The following ZFAND4 variants were observed in gnomAD, a reference collection of about 807,000 sequenced individuals.
The protein encoded by ZFAND4 is zinc finger AN1-type containing 4.
A neutral mutation model predicts 64.4 loss-of-function variants in ZFAND4; 43 were observed. That is an observed-to-expected ratio of 0.67 (90% CI 0.52 to 0.86). The LOEUF is 0.86. ZFAND4 is among the 40% of genes least tolerant of loss of function. The pLI is 0.00. For synonymous variants in ZFAND4, 296 were observed against 305.7 expected (o/e 0.97, Z 0.33); for missense variants, 929 against 859.8 (o/e 1.08, Z -1.01).
At chr10:45,637,653 G>A (rs1040665558) in intron 6 of ZFAND4, among the ~76,000 whole-genome samples, 3 of 151,980 alleles carry the variant, frequency 2.0e-5, no homozygotes, top group African/African-American at 7.2e-5. Flanking sequence ...GGGAGGCTGG[G>A]GCAGAAGAAT....
intron 8 of ZFAND4, 69 bp downstream of exon 8, chr10:45,624,514 A>C: frequency 6.9e-7 from 1 of 1,455,748 alleles, no homozygotes; most frequent in Non-Finnish European, 9.6e-7. Flanking sequence ...TTCTCTTTGA[A>C]AATTCAACCG....
intron 2 of ZFAND4, among the ~76,000 whole-genome samples, chr10:45,658,776 G>A (rs2048294726): frequency 6.6e-6 from 1 of 152,168 alleles, no homozygotes; most frequent in Non-Finnish European, 1.5e-5. Context: ...GTAGGATATA[G>A]CTAACACAGT....
Position 45,648,386 on chromosome 10 carries a change from C to T in ZFAND4, c.477G>A (p.Arg159=). 1 of 1,613,962 alleles carries T rather than the reference C, an allele frequency of 6.2e-7. No homozygotes were observed. The highest frequency in any genetic ancestry group is 2.2e-5 in the East Asian group (1 of 44,858). ...DQLNFFPAVD[R]GDGTLTPLSD... is the part of the protein sequence containing the mutation. ...ATAACGGTGTTAAAGTGCCATCTCC[C>T]CTATCTACTGCAGGAAAGAAATTCA... Residue 159 remains arginine, a synonymous_variant, in exon 5 of 10, where the codon AGG becomes AGA. Coordinates refer to ENST00000344646, the MANE Select transcript of ZFAND4 (RefSeq NM_174890.4).
intron 6 of ZFAND4, among the ~76,000 whole-genome samples, chr10:45,634,941 CTT>C (rs2133646647): frequency 6.6e-6 from 1 of 151,622 alleles, no homozygotes; most frequent in African/African-American, 2.4e-5. Context: ...TAGGAATAAA[CTT>C]ATCTAAAAAA....
At chr10:45,648,178 G>C in intron 5 of ZFAND4, 116 bp downstream of exon 5, 1 of 1,034,390 alleles carries the variant, frequency 9.7e-7, no homozygotes, top group Non-Finnish European at 1.3e-6. Context: ...TCAATTATAC[G>C]AAGGACAATT....
Position 45,663,743 on chromosome 10 carries a change from T to C in ZFAND4, c.-18A>G. The C allele has an allele frequency of 1.3e-6, 2 of 1,577,708 alleles. No individual in the cohort carries two copies. The highest frequency in any genetic ancestry group is 1.7e-6 in the Non-Finnish European group (2 of 1,168,630). ...TTATCCATTACTTTGACTTTTCTAG[T>C]TCTTCTAAAATATGTCGCAGGCAAC... is the stretch of plus-strand genomic sequence containing the variant. On this transcript the variant is annotated 5_prime_UTR_variant, in exon 2 of 10. Transcript: ENST00000344646.
intron 6 of ZFAND4, among the ~76,000 whole-genome samples, chr10:45,635,215 A>AAAAAAAAAAAAAAAAAAAAAAAAAAAAC (rs2046499752): frequency 7.7e-6 from 1 of 130,428 alleles, no homozygotes; most frequent in East Asian, 2.1e-4. Flanking sequence ...AAAAAAAAAC[A>AAAAAAAAAAAAAAAAAAAAAAAAAAAAC]AAAAAAAAAC....
At chr10:45,650,513 A>G (rs996945967) in intron 4 of ZFAND4, 6 of 150,020 alleles carry the variant, frequency 4.0e-5, no homozygotes, top group Non-Finnish European at 8.9e-5. Flanking sequence ...CTCCGTCTCA[A>G]AAAAAAAAAG....
intron 8 of ZFAND4, among the ~76,000 whole-genome samples, chr10:45,621,407 A>G (rs1299886152): frequency 6.6e-6 from 1 of 151,272 alleles, no homozygotes; most frequent in East Asian, 1.9e-4. Context: ...TCTGGGGACA[A>G]GCAGAGGGCT....
chr10:45,618,383 T>C, intron 8 of ZFAND4, 123 bp from the exon 9 acceptor site: 2 of 1,241,636 alleles, frequency 1.6e-6, no homozygotes, highest in Middle Eastern at 5.7e-4. Context: ...AATTAATTTG[T>C]GCTATTTTTA....
rs908549378 is a variant in ZFAND4 at position 45,657,380 on chromosome 10, G to A, written c.185-4321C>T. Reference sequence around the variant, plus strand: ...AACCACAGTGAAATATTTCCAGTTCGAATTATAATAGCAAAAATGAAACAA... The same window carrying A: ...AACCACAGTGAAATATTTCCAGTTCAAATTATAATAGCAAAAATGAAACAA... On this transcript the variant is annotated intron_variant, in intron 2 of 9. Coordinates refer to ENST00000344646, the MANE Select transcript of ZFAND4 (RefSeq NM_174890.4). 5.3e-5 allele frequency among the ~76,000 whole-genome samples: 8 copies of A among 152,020 alleles called. No individual in the cohort carries two copies. The East Asian group carries it at 7.7e-4, about 15-fold the overall frequency.
In ZFAND4 at chr10:45,616,527, T is replaced by C; in HGVS notation, c.2093A>G (p.His698Arg). 6.2e-7 allele frequency: 1 copy of C among 1,614,040 alleles called. No individual in the cohort carries two copies. Among genetic ancestry groups the C allele is most frequent in the South Asian group, 1.1e-5 (1 of 91,082 alleles). ...FCASHRYAET[H>R]GCTYDYKSAG... The stretch of plus-strand genomic sequence containing the variant: ...ACTCTTGTAATCATAGGTACAGCCA[T>C]GAGTTTCTGCATAACGATGAGATGC... Residue 698 changes from histidine (H) to arginine (R), a missense_variant, in exon 10 of 10, where the codon CAT becomes CGT. His to Arg is a conservative substitution (Grantham distance 29, BLOSUM62 0). Coordinates refer to ENST00000344646, the MANE Select transcript of ZFAND4 (RefSeq NM_174890.4).
intron 7 of ZFAND4, among the ~76,000 whole-genome samples, chr10:45,625,449 G>T (rs1255541988): frequency 1.4e-5 from 2 of 147,360 alleles, no homozygotes; most frequent in Non-Finnish European, 3.0e-5. Flanking sequence ...ACTCCAGCCT[G>T]GGTGAAAGAG....
intron 2 of ZFAND4, among the ~76,000 whole-genome samples, chr10:45,661,843 G>A (rs1187850332): frequency 6.6e-6 from 1 of 152,028 alleles, no homozygotes; most frequent in Non-Finnish European, 1.5e-5. Context: ...GGGAGGCTGA[G>A]GCAGGAGAAT....
chr10:45,640,098 G>C, intron 5 of ZFAND4, 135 bp from the exon 6 acceptor site: 1 of 1,289,382 alleles, frequency 7.8e-7, no homozygotes, highest in Non-Finnish European at 1.0e-6. Flanking sequence ...GTTAATGTCA[G>C]GAAAATATAT....
At chr10:45,618,651 C>T (rs942298759) in intron 8 of ZFAND4, among the ~76,000 whole-genome samples, 1 of 152,154 alleles carries the variant, frequency 6.6e-6, no homozygotes, top group African/African-American at 2.4e-5. Context: ...TCTGTTTGTT[C>T]ACACCAAAAA....
rs149725835 is a variant in ZFAND4, at chr10:45,626,100, C to T, written c.1723G>A (p.Gly575Arg). 8.7e-5 allele frequency: 140 copies of T among 1,613,972 alleles called. No homozygotes were observed. The highest frequency in any genetic ancestry group is 7.6e-5 in the Non-Finnish European group (90 of 1,180,048). ...TGTAATCTATTTCTGCTTGTGCTCCCGGCCAGTGAGGCAAGAAAACTGATA... is the reference window on the plus strand; with the variant it reads ...TGTAATCTATTTCTGCTTGTGCTCCTGGCCAGTGAGGCAAGAAAACTGATA... ...NNISFLASLA[G>R]STSRNRLQST... The change falls in exon 7 of 10, where the codon GGG becomes AGG. Residue 575 changes from glycine (G) to arginine (R), a missense_variant. Gly to Arg is a moderately radical substitution (Grantham distance 125). Transcript: ENST00000344646.
intron 6 of ZFAND4, among the ~76,000 whole-genome samples, chr10:45,629,396 G>A (rs771077951): frequency 6.6e-6 from 1 of 152,090 alleles, no homozygotes; most frequent in African/African-American, 2.4e-5. Context: ...GTAGCTTCAA[G>A]AAGACATCAC....
chr10:45,639,957 AC>A lies in ZFAND4; in HGVS notation c.575del (p.Gly192ValfsTer23). 6.2e-7 allele frequency: 1 copy of A among 1,605,348 alleles called. No individual in the cohort carries two copies. The highest frequency in any genetic ancestry group is 8.5e-7 in the Non-Finnish European group (1 of 1,178,088). On this transcript the variant is annotated frameshift_variant, in exon 6 of 10. Coordinates refer to ENST00000344646, the MANE Select transcript of ZFAND4 (RefSeq NM_174890.4). LOFTEE classifies it high-confidence loss of function. ...CATCTGTATCTGAATTATACATAGA[AC>A]CACCACTGCAAAGAAAACAATAACT... Reference protein sequence around the residue: ...RRKGEHRMSGGSMYNSDTDED... With the variant: ...RRKGEHRMSGXSMYNSDTDED...
Sources: gnomAD v4.1 joint callset for allele counts (sites outside exome capture counted in the v4.1 genomes callset) on GRCh38, gnomAD v4.1.1 for gene constraint, MANE v1.5 for transcripts, NCBI Gene and HGNC (gene_info 2026-07-23, HGNC 2026-07-21) for gene names.